The following TASP1 variants were observed in gnomAD, a reference collection of about 807,000 sequenced individuals.
TASP1 encodes threonine aspartase 1.
A neutral mutation model predicts 56.6 loss-of-function variants in TASP1; 16 were observed. That is an observed-to-expected ratio of 0.28 (90% confidence interval 0.19 to 0.43). The LOEUF is 0.43. Ranked by LOEUF, TASP1 falls within the 20% of genes least tolerant of loss-of-function variation. The probability of loss-of-function intolerance (pLI) is 1.00; values close to 1 mark genes in which losing one functional copy is unlikely to be tolerated. For missense variants in TASP1, 393 were observed against 511.6 expected (o/e 0.77, Z 2.24); for synonymous variants, 179 against 184.2 (o/e 0.97, Z 0.23).
intron 11 of TASP1, among the ~76,000 whole-genome samples, chr20:13,446,415 A>T (rs1445266654): frequency 1.3e-5 from 2 of 152,160 alleles, no homozygotes; most frequent in East Asian, 3.9e-4. Context: ...CCCATGACAA[A>T]AAGTAAATTT....
intron 8 of TASP1, among the ~76,000 whole-genome samples, chr20:13,556,707 G>A (rs578054660): frequency 3.9e-5 from 6 of 152,098 alleles, no homozygotes; most frequent in Non-Finnish European, 8.8e-5. Flanking sequence ...CAGGGCCTCT[G>A]CACATGCAGC....
At chr20:13,205,407 A>G in the TASP1 span, among the ~76,000 whole-genome samples, 2 of 152,120 alleles carry the variant, frequency 1.3e-5, no homozygotes, top group Non-Finnish European at 2.9e-5. Flanking sequence ...GTTCTACTTG[A>G]GCTTCTATGA....
At chr20:13,251,594 G>A in the TASP1 span, among the ~76,000 whole-genome samples, 1 of 152,230 alleles carries the variant, frequency 6.6e-6, no homozygotes, top group African/African-American at 2.4e-5. Flanking sequence ...AGCGTGGTAT[G>A]TGGGAGGTAG....
chr20:13,445,710 G>A (rs1031826888), intron 11 of TASP1, among the ~76,000 whole-genome samples: 2 of 152,138 alleles, frequency 1.3e-5, no homozygotes, highest in Non-Finnish European at 2.9e-5. Context: ...CTAGATGCAG[G>A]AGAATGTAGT....
At chr20:13,510,994 ACC>A (rs1236125375) in intron 10 of TASP1, among the ~76,000 whole-genome samples, 1 of 151,822 alleles carries the variant, frequency 6.6e-6, no homozygotes, top group African/African-American at 2.4e-5. Context: ...TCTGCTTTCC[ACC>A]CACCCACAGT....
intron 13 of TASP1, among the ~76,000 whole-genome samples, chr20:13,406,760 A>G (rs1303779496): frequency 6.8e-6 from 1 of 146,308 alleles, no homozygotes; most frequent in African/African-American, 2.6e-5. Flanking sequence ...TCTGCCTCCC[A>G]GGTTCACGCC....
At chr20:13,358,333 T>C in the TASP1 span, among the ~76,000 whole-genome samples, 1 of 152,180 alleles carries the variant, frequency 6.6e-6, no homozygotes, top group South Asian at 2.1e-4. Context: ...GCGCATGAAA[T>C]TTGGTGCCGT....
intron 7 of TASP1, among the ~76,000 whole-genome samples, chr20:13,568,319 AC>A (rs2046604322): frequency 1.3e-5 from 2 of 151,986 alleles, no homozygotes; most frequent in Admixed American, 1.3e-4. Context: ...GGCTAATTAT[AC>A]CCTATTTAAC....
chr20:13,378,588 G>T, the TASP1 span, among the ~76,000 whole-genome samples: 4 of 152,092 alleles, frequency 2.6e-5, no homozygotes, highest in African/African-American at 9.7e-5. Context: ...TGTCTATTAG[G>T]TCTGCTTGGT....
the TASP1 span, among the ~76,000 whole-genome samples, chr20:13,298,749 T>C: frequency 6.6e-6 from 1 of 152,146 alleles, no homozygotes; most frequent in African/African-American, 2.4e-5. Flanking sequence ...AGAACGGCCA[T>C]CCACTTCTGA....
At chr20:13,341,643 T>C in the TASP1 span, among the ~76,000 whole-genome samples, 1 of 152,204 alleles carries the variant, frequency 6.6e-6, no homozygotes, top group South Asian at 2.1e-4. Flanking sequence ...TGTGGCCTTA[T>C]CTTGCATGAT....
intron 8 of TASP1, among the ~76,000 whole-genome samples, chr20:13,539,937 AGT>A (rs1225172455): frequency 7.1e-6 from 1 of 141,766 alleles, no homozygotes; most frequent in Admixed American, 7.2e-5. Flanking sequence ...ATGTTGAATG[AGT>A]GTGTGTAAGT....
At chr20:13,336,897 T>C in the TASP1 span, among the ~76,000 whole-genome samples, 1 of 152,208 alleles carries the variant, frequency 6.6e-6, no homozygotes, top group Non-Finnish European at 1.5e-5. Flanking sequence ...CCAGTTTCAA[T>C]GAGTCTCTTC....
the TASP1 span, among the ~76,000 whole-genome samples, chr20:13,360,380 C>T: frequency 5.3e-5 from 8 of 151,662 alleles, no homozygotes; most frequent in Admixed American, 2.0e-4. Flanking sequence ...TTACCTATCT[C>T]GGCATAATTC....
At chr20:13,189,707 T>C in the TASP1 span, among the ~76,000 whole-genome samples, 1 of 152,108 alleles carries the variant, frequency 6.6e-6, no homozygotes, top group African/African-American at 2.4e-5. Flanking sequence ...GTCAATGGGA[T>C]TGTAAATTAG....
the TASP1 span, among the ~76,000 whole-genome samples, chr20:13,188,073 G>A: frequency 1.3e-5 from 2 of 152,114 alleles, no homozygotes; most frequent in Non-Finnish European, 2.9e-5. Flanking sequence ...TTTGCCACGT[G>A]AAGATGTAGC....
chr20:13,535,342 T>C (rs1297995136), intron 8 of TASP1, among the ~76,000 whole-genome samples: 2 of 152,166 alleles, frequency 1.3e-5, no homozygotes, highest in Non-Finnish European at 2.9e-5. Flanking sequence ...AACTCAGAAG[T>C]AGAGTGTGCC....
chr20:13,623,407 A>G, intron 4 of TASP1, 39 bp downstream of exon 4: 1 of 1,539,058 alleles, frequency 6.5e-7, no homozygotes. Flanking sequence ...ATAAAGATAA[A>G]CTCACAAATA....
chr20:13,532,091 T>G (rs1358657832), intron 9 of TASP1, among the ~76,000 whole-genome samples: 1 of 151,720 alleles, frequency 6.6e-6, no homozygotes, highest in East Asian at 1.9e-4. Context: ...CTTCTCTACT[T>G]CTCTATGGGG....
Sources: allele counts gnomAD v4.1 joint callset (sites outside exome capture counted in the v4.1 genomes callset), GRCh38; gene constraint gnomAD v4.1.1; transcripts MANE v1.5; gene names NCBI Gene and HGNC (gene_info 2026-07-23, HGNC 2026-07-21).